PCDH15: variants seen among roughly 807,000 people sequenced by gnomAD.
The protein encoded by PCDH15 is protocadherin related 15, also known as protocadherin-15.
Under a neutral mutation model 178.5 loss-of-function variants are expected in PCDH15, and 129 were observed. That is an observed-to-expected ratio of 0.72 (90% confidence interval 0.63 to 0.84). PCDH15 has a LOEUF of 0.84. Among genes scored for constraint, PCDH15 ranks in the 40% least tolerant of loss-of-function variants. The pLI is 0.00. For missense variants in PCDH15, 2,230 were observed against 2,099.9 expected (o/e 1.06, Z -1.21); for synonymous variants, 800 against 732.0 (o/e 1.09, Z -1.50).
chr10:54,219,097 A>C lies in PCDH15; in HGVS notation c.986-5049T>G, dbSNP rs548004863. 7.1e-4 allele frequency among the ~76,000 whole-genome samples: 99 copies of C among 139,368 alleles called. 2 individuals are homozygous for C. The highest frequency in any genetic ancestry group is 7.5e-3 in the Middle Eastern group (2 of 266). 91.4% of individuals were successfully genotyped at this position (139,368 alleles called of 152,430 possible). The stretch of plus-strand genomic sequence containing the variant: ...TGAAACCCTGTCTCTACTAAAAAAA[A>C]AAAAAAAAAACAAAAAAAAAACAAA... On this transcript the variant is annotated intron_variant, in intron 9 of 37. Coordinates refer to ENST00000644397, the MANE Select transcript of PCDH15 (RefSeq NM_001384140.1).
chr10:53,902,088 AG>A (rs1426212031), intron 26 of PCDH15, among the ~76,000 whole-genome samples: 6 of 152,310 alleles, frequency 3.9e-5, no homozygotes, highest in Admixed American at 3.3e-4. Context: ...AAATCAATTA[AG>A]AGTTAATGAG....
chr10:55,163,646 C>A (rs746965054), intron 2 of PCDH15, among the ~76,000 whole-genome samples: 4 of 152,084 alleles, frequency 2.6e-5, no homozygotes, highest in Non-Finnish European at 5.9e-5. Flanking sequence ...TCTGCCCAAA[C>A]CAAGATGGTG....
chr10:55,612,345 C>T (rs542414533), intron 2 of PCDH15, among the ~76,000 whole-genome samples: 1 of 151,998 alleles, frequency 6.6e-6, no homozygotes, highest in East Asian at 1.9e-4. Context: ...AGCCAAGAAT[C>T]CAAGACTCTG....
At chr10:55,231,878 A>T (rs1841236419) in intron 1 of PCDH15, among the ~76,000 whole-genome samples, 1 of 151,976 alleles carries the variant, frequency 6.6e-6, no homozygotes, top group Non-Finnish European at 1.5e-5. Flanking sequence ...TTTTTCTGTA[A>T]AGAACAAGTA....
chr10:53,834,614 C>G (rs1022983388), intron 29 of PCDH15, among the ~76,000 whole-genome samples: 6 of 151,476 alleles, frequency 4.0e-5, no homozygotes, highest in African/African-American at 1.5e-4. Context: ...CAGGTCCCTT[C>G]CCAGGATGTA....
intron 2 of PCDH15, among the ~76,000 whole-genome samples, chr10:55,073,947 G>A (rs1224940862): frequency 6.6e-6 from 1 of 151,862 alleles, no homozygotes; most frequent in South Asian, 2.1e-4. Flanking sequence ...ACACTTGTAA[G>A]TGAGAACATG....
chr10:54,289,374 C>A (rs557741542), intron 8 of PCDH15, among the ~76,000 whole-genome samples: 13 of 152,294 alleles, frequency 8.5e-5, no homozygotes, highest in Non-Finnish European at 1.6e-4. Flanking sequence ...ACATTTATAC[C>A]AAAACCCCAT....
intron 2 of PCDH15, among the ~76,000 whole-genome samples, chr10:55,080,003 T>C (rs1841997318): frequency 6.6e-6 from 1 of 152,096 alleles, no homozygotes; most frequent in African/African-American, 2.4e-5. Context: ...TTGAAGAATC[T>C]GGCCTCAGGG....
intron 17 of PCDH15, among the ~76,000 whole-genome samples, chr10:54,072,318 C>T (rs879677350): frequency 6.6e-6 from 1 of 152,078 alleles, no homozygotes; most frequent in Non-Finnish European, 1.5e-5. Flanking sequence ...CATCCTTAAG[C>T]GCAAGTCATC....
chr10:54,835,565 T>A (rs1187015947), intron 3 of PCDH15, among the ~76,000 whole-genome samples: 1 of 151,882 alleles, frequency 6.6e-6, no homozygotes. Context: ...AACATACACA[T>A]CCCCACCTTG....
At chr10:55,397,974 T>C (rs952465095) in intron 2 of PCDH15, among the ~76,000 whole-genome samples, 10 of 152,164 alleles carry the variant, frequency 6.6e-5, no homozygotes, top group Admixed American at 3.9e-4. Context: ...CCAAAGGATT[T>C]ATGGGAAGGA....
intron 7 of PCDH15, among the ~76,000 whole-genome samples, chr10:54,322,783 T>C (rs1355938206): frequency 6.6e-6 from 1 of 152,034 alleles, no homozygotes; most frequent in African/African-American, 2.4e-5. Context: ...CTATTAAAAC[T>C]CTTCTTGACA....
intron 2 of PCDH15, among the ~76,000 whole-genome samples, chr10:55,553,583 G>A (rs568396052): frequency 6.6e-6 from 1 of 151,848 alleles, no homozygotes; most frequent in East Asian, 1.9e-4. Context: ...GAGGTTGCAA[G>A]GAGACTCTGA....
At chr10:53,864,765 C>G (rs1055354341) in intron 27 of PCDH15, among the ~76,000 whole-genome samples, 3 of 151,806 alleles carry the variant, frequency 2.0e-5, no homozygotes, top group African/African-American at 7.3e-5. Context: ...GCCTGGGAGT[C>G]AGAGGGAGAG....
chr10:54,599,511 A>G (rs1243193368), intron 2 of PCDH15, among the ~76,000 whole-genome samples: 3 of 152,146 alleles, frequency 2.0e-5, no homozygotes, highest in Non-Finnish European at 4.4e-5. Context: ...TCAATTCAAA[A>G]TGTATTAAAT....
intron 2 of PCDH15, among the ~76,000 whole-genome samples, chr10:55,069,176 C>A (rs944540404): frequency 6.6e-6 from 1 of 150,812 alleles, no homozygotes; most frequent in Non-Finnish European, 1.5e-5. Flanking sequence ...AAAGTGATTA[C>A]AAGCATTAGC....
chr10:54,694,796 CAACT>C (rs2095191759), intron 1 of PCDH15, among the ~76,000 whole-genome samples: 4 of 151,902 alleles, frequency 2.6e-5, no homozygotes, highest in African/African-American at 9.7e-5. Flanking sequence ...CAAATTAGGC[CAACT>C]AATAATTGTA....
At chr10:54,801,697 A>C (rs1952658823), upstream of PCDH15, among the ~76,000 whole-genome samples, 1 of 152,114 alleles carries the variant, frequency 6.6e-6, no homozygotes, top group Admixed American at 6.6e-5. Context: ...GGGGCATAAA[A>C]ACAAAACAAA....
chr10:54,983,808 G>T (rs1839299940), intron 2 of PCDH15, among the ~76,000 whole-genome samples: 1 of 152,094 alleles, frequency 6.6e-6, no homozygotes, highest in Non-Finnish European at 1.5e-5. Context: ...GGCTACAAAT[G>T]ATTAAAAAGT....
Sources: allele counts gnomAD v4.1 joint callset (sites outside exome capture counted in the v4.1 genomes callset), GRCh38; gene constraint gnomAD v4.1.1; transcripts MANE v1.5; gene names NCBI Gene and HGNC (gene_info 2026-07-23, HGNC 2026-07-21).